RUNX1: variants seen among roughly 807,000 people sequenced by gnomAD.
RUNX1 encodes RUNX family transcription factor 1.
Under a neutral mutation model 42.8 loss-of-function variants are expected in RUNX1, and 19 were observed. The observed-to-expected ratio is 0.44, with a 90% CI of 0.31 to 0.65. RUNX1 has a LOEUF of 0.65. Among genes scored for constraint, RUNX1 ranks in the 30% least tolerant of loss-of-function variants. RUNX1 has a pLI of 0.07. For synonymous variants in RUNX1, 271 were observed against 289.4 expected (o/e 0.94, Z 0.64); for missense variants, 528 against 672.0 (o/e 0.79, Z 2.37).
chr21:34,792,131 C>A lies in RUNX1; in HGVS notation c.*4G>T, dbSNP rs770363800. On this transcript the variant is annotated 3_prime_UTR_variant, in exon 9 of 9. Transcript: ENST00000675419. The surrounding 1 kb of genome is among the most constrained non-coding windows in gnomAD (Gnocchi z 6.9). ...CGGGGCCCAGCCGGGCCAGGCCTGG[C>A]GCCTCAGTAGGGCCTCCACACGGCC... The A allele has an allele frequency of 2.8e-6, 4 of 1,434,792 alleles. No individual in the cohort carries two copies. Among genetic ancestry groups the A allele is most frequent in the Non-Finnish European group, 3.6e-6 (4 of 1,104,136 alleles). The allele number at this position is 1,434,792 out of a possible 1,614,324, so 88.9% of individuals were successfully genotyped here.
chr21:34,824,007 C>T (rs779323408), intron 7 of RUNX1, among the ~76,000 whole-genome samples: 64 of 152,218 alleles, frequency 4.2e-4, no homozygotes, highest in Non-Finnish European at 8.8e-4. Context: ...TAAAAATGAC[C>T]CTAAGGTTGT....
At chr21:34,822,282 T>A (rs949913493) in intron 7 of RUNX1, among the ~76,000 whole-genome samples, 1 of 152,208 alleles carries the variant, frequency 6.6e-6, no homozygotes, top group Non-Finnish European at 1.5e-5. Context: ...TGCTTCCCCC[T>A]AACCATGTCA....
intron 6 of RUNX1, among the ~76,000 whole-genome samples, chr21:34,852,169 AAAAACAAAACAAAAC>A (rs3831802): frequency 6.6e-6 from 1 of 150,974 alleles, no homozygotes; most frequent in Admixed American, 6.6e-5. Context: ...CTCTGTCTCA[AAAAACAAAACAAAAC>A]AAAACAAAAC....
intron 2 of RUNX1, among the ~76,000 whole-genome samples, chr21:34,970,131 T>C (rs1362901574): frequency 6.6e-6 from 1 of 152,230 alleles, no homozygotes; most frequent in Non-Finnish European, 1.5e-5. Flanking sequence ...CACTTTTTCA[T>C]GCCTTCAGAT....
At chr21:34,992,656 G>T (rs1322768264) in intron 2 of RUNX1, among the ~76,000 whole-genome samples, 1 of 124,208 alleles carries the variant, frequency 8.1e-6, no homozygotes, top group East Asian at 2.3e-4. Flanking sequence ...TCTTTCACAA[G>T]ATTAAACATT....
intron 3 of RUNX1, chr21:34,889,800 C>T (rs1368844813): frequency 1.1e-5 from 12 of 1,129,990 alleles, no homozygotes; most frequent in Middle Eastern, 2.9e-4. Flanking sequence ...CGACCCCGCC[C>T]GGCGGGGCTC....
intron 2 of RUNX1, among the ~76,000 whole-genome samples, chr21:34,960,108 G>A (rs751957694): frequency 1.3e-5 from 2 of 152,196 alleles, no homozygotes; most frequent in Non-Finnish European, 2.9e-5. Flanking sequence ...CGGGGCATCG[G>A]TCACAAGAGA....
chr21:34,879,894 T>C (rs1269965220), intron 5 of RUNX1, among the ~76,000 whole-genome samples: 1 of 152,244 alleles, frequency 6.6e-6, no homozygotes, highest in East Asian at 1.9e-4. Context: ...GGAGCTGAAG[T>C]AATGCAACAA....
At chr21:34,834,199 A>G (rs1016435139) in intron 7 of RUNX1, 5 of 698,456 alleles carry the variant, frequency 7.2e-6, no homozygotes, top group African/African-American at 5.3e-5. Context: ...TCTGGTTACA[A>G]TGCAGATCTG....
intron 2 of RUNX1, among the ~76,000 whole-genome samples, chr21:34,941,875 T>C (rs1252881000): frequency 6.6e-6 from 1 of 151,310 alleles, no homozygotes. Flanking sequence ...ATGAGAGACA[T>C]ATGCAGCAAG....
rs2056469785 is a variant in RUNX1 at position 34,792,932 on chromosome 21, A to AGGATGCCACCTCCTGAGAGGAC, written c.968-344_968-323dup. On this transcript the variant is annotated intron_variant, in intron 8 of 8. Coordinates refer to ENST00000675419, the MANE Select transcript of RUNX1 (RefSeq NM_001754.5). This position sits in a 1 kb window ranked among gnomAD's most constrained non-coding sequence, Gnocchi z 6.9. The stretch of plus-strand genomic sequence containing the variant: ...ATGCCCAGGAGGTCGGGGACCACTC[A>AGGATGCCACCTCCTGAGAGGAC]GGATGCCACCTCCTGAGAGGACGGA... Among the ~76,000 whole-genome samples, 1 of 142,372 alleles carries AGGATGCCACCTCCTGAGAGGAC rather than the reference A, an allele frequency of 7.0e-6. No individual in the cohort carries two copies. Among genetic ancestry groups the AGGATGCCACCTCCTGAGAGGAC allele is most frequent in the Non-Finnish European group, 1.5e-5 (1 of 65,016 alleles). 93.4% of individuals were successfully genotyped at this position (142,372 alleles called of 152,430 possible).
chr21:35,039,343 G>A (rs1436920330), intron 2 of RUNX1, among the ~76,000 whole-genome samples: 1 of 152,256 alleles, frequency 6.6e-6, no homozygotes, highest in African/African-American at 2.4e-5. Flanking sequence ...CTGGGCAAGT[G>A]AACCTCTCTG....
In RUNX1 at chr21:34,892,975, G is replaced by C. The variant is rs202245096; in HGVS notation, c.59-12C>G. On this transcript the variant is annotated splice_polypyrimidine_tract_variant and intron_variant, in intron 2 of 8. Coordinates refer to ENST00000675419, the MANE Select transcript of RUNX1 (RefSeq NM_001754.5). ...TCCAAGTATGCATTCTGAAATAACA[G>C]AAAGTAGGAAAATAAAAGTAATGCA... The C allele has an allele frequency of 1.6e-5, 25 of 1,552,344 alleles. No individual in the cohort carries two copies. Among genetic ancestry groups the C allele is most frequent in the African/African-American group, 4.1e-5 (3 of 73,390 alleles).
chr21:35,009,990 C>A (rs1371379678), intron 2 of RUNX1, among the ~76,000 whole-genome samples: 1 of 152,154 alleles, frequency 6.6e-6, no homozygotes, highest in East Asian at 1.9e-4. Context: ...GCTGGTATAA[C>A]TAGGCTGGAT....
chr21:34,933,732 C>T (rs1381636558), intron 2 of RUNX1, among the ~76,000 whole-genome samples: 3 of 152,196 alleles, frequency 2.0e-5, no homozygotes, highest in Non-Finnish European at 4.4e-5. Flanking sequence ...ACCCCGTTCA[C>T]GCACCACTCC....
chr21:34,928,181 G>A lies in RUNX1; in HGVS notation c.59-35218C>T, dbSNP rs549764270. Among the ~76,000 whole-genome samples the A allele has an allele frequency of 7.9e-5, 12 of 152,182 alleles. No individual in the cohort carries two copies. The East Asian group carries it at 2.3e-3, about 29-fold the overall frequency. ...ATAGCCAAATTTCAAGTGCTCAGTA[G>A]CCACATGTGGCTAGTGGCCACCACA... On this transcript the variant is annotated intron_variant, in intron 2 of 8. Transcript: ENST00000675419.
At chr21:34,946,277 T>G (rs2058562548) in intron 2 of RUNX1, among the ~76,000 whole-genome samples, 1 of 152,154 alleles carries the variant, frequency 6.6e-6, no homozygotes, top group Non-Finnish European at 1.5e-5. Flanking sequence ...ATCCTGACCC[T>G]CCAAATTAAT....
intron 5 of RUNX1, among the ~76,000 whole-genome samples, chr21:34,870,889 C>T (rs548436044): frequency 5.3e-5 from 8 of 152,174 alleles, no homozygotes; most frequent in South Asian, 2.1e-4. Context: ...ACACAGGAGG[C>T]GGAGGCTGCA....
Position 34,791,211 on chromosome 21 carries a change from C to CTCAT in RUNX1, c.*920_*923dup, listed in dbSNP as rs1435878232. 4.3e-6 allele frequency: 1 copy of CTCAT among 233,302 alleles called. No homozygotes were observed. Among genetic ancestry groups the CTCAT allele is most frequent in the Non-Finnish European group, 8.5e-6 (1 of 117,916 alleles). 14.5% of individuals were successfully genotyped at this position (233,302 alleles called of 1,614,324 possible). On this transcript the variant is annotated 3_prime_UTR_variant, in exon 9 of 9. Coordinates refer to ENST00000675419, the MANE Select transcript of RUNX1 (RefSeq NM_001754.5). ...TCTGGATAACCAAGCGATCACATTA[C>CTCAT]TCATTCTTTTTTTCTAGCCTTCTTC...
Sources: gnomAD v4.1 joint callset for allele counts (sites outside exome capture counted in the v4.1 genomes callset) on GRCh38, gnomAD v4.1.1 for gene constraint, Gnocchi (gnomAD v3.1) non-coding constraint, MANE v1.5 for transcripts, NCBI Gene and HGNC (gene_info 2026-07-23, HGNC 2026-07-21) for gene names.